RYR3: variants seen among roughly 807,000 people sequenced by gnomAD.
The protein encoded by RYR3 is ryanodine receptor 3.
RYR3 carries 207 observed loss-of-function variants against 584.3 expected under a neutral mutation model. The ratio of observed to expected loss-of-function variants is 0.35; its 90% CI spans 0.32 to 0.40. The LOEUF is 0.40. Ranked by LOEUF, RYR3 falls within the 10% of genes least tolerant of loss-of-function variation. The pLI is 1.00. For missense variants in RYR3, 5,616 were observed against 6,089.2 expected (o/e 0.92, Z 2.59); for synonymous variants, 2,416 against 2,248.5 (o/e 1.07, Z -2.11).
chr15:33,377,589 A>C (rs1449630125), intron 1 of RYR3, among the ~76,000 whole-genome samples: 6 of 152,192 alleles, frequency 3.9e-5, no homozygotes, highest in Non-Finnish European at 7.3e-5. Context: ...TTATAGCAGA[A>C]GTGTTAAACG....
chr15:33,441,898 G>A (rs78359500), intron 1 of RYR3, among the ~76,000 whole-genome samples: 6,283 of 152,212 alleles, frequency 0.041, 389 homozygotes, highest in African/African-American at 0.14. Flanking sequence ...GAAGACACAG[G>A]ATAAGAAGAG....
intron 11 of RYR3, 137 bp downstream of exon 11, chr15:33,563,147 T>C (rs576619071): frequency 2.9e-6 from 2 of 700,862 alleles, no homozygotes. Context: ...TTGTGATGGA[T>C]TGTACACAGT....
chr15:33,369,610 C>A (rs746725568), intron 1 of RYR3, among the ~76,000 whole-genome samples: 19 of 152,128 alleles, frequency 1.2e-4, no homozygotes, highest in Admixed American at 3.3e-4. Flanking sequence ...GTCTGTCTAT[C>A]CATCCATCCA....
intron 19 of RYR3, among the ~76,000 whole-genome samples, chr15:33,622,409 G>A (rs923328145): frequency 1.3e-5 from 2 of 152,180 alleles, no homozygotes; most frequent in Non-Finnish European, 2.9e-5. Flanking sequence ...CTCAGAGTTA[G>A]CTCGCATGTC....
chr15:33,783,270 G>T (rs776644060), intron 65 of RYR3, among the ~76,000 whole-genome samples: 9 of 152,294 alleles, frequency 5.9e-5, no homozygotes, highest in Non-Finnish European at 1.3e-4. Flanking sequence ...GGTGCTGCTG[G>T]TAGGAGGATT....
At chr15:33,807,464 T>C (rs2076269528) in intron 69 of RYR3, 91 bp from the exon 70 acceptor site, 7 of 1,257,678 alleles carry the variant, frequency 5.6e-6, no homozygotes, top group Non-Finnish European at 8.0e-6. Context: ...GCTAAGAAGC[T>C]ATAACTAACA....
At chr15:33,701,965 T>C (rs1426523743) in intron 42 of RYR3, among the ~76,000 whole-genome samples, 3 of 152,198 alleles carry the variant, frequency 2.0e-5, no homozygotes, top group Non-Finnish European at 2.9e-5. Flanking sequence ...ATTGAACTTA[T>C]GCTACCATTT....
chr15:33,657,299 G>A (rs1169793888), intron 32 of RYR3, among the ~76,000 whole-genome samples: 1 of 152,194 alleles, frequency 6.6e-6, no homozygotes, highest in African/African-American at 2.4e-5. Flanking sequence ...CAGTCCTGAG[G>A]GACCTGAAAA....
At chr15:33,512,944 T>G (rs1437244412) in intron 3 of RYR3, among the ~76,000 whole-genome samples, 1 of 152,168 alleles carries the variant, frequency 6.6e-6, no homozygotes, top group Non-Finnish European at 1.5e-5. Context: ...GCTGAGAGTT[T>G]TGAGAAAAAT....
At chr15:33,411,957 G>A (rs1359433805) in intron 1 of RYR3, among the ~76,000 whole-genome samples, 1 of 152,056 alleles carries the variant, frequency 6.6e-6, no homozygotes, top group African/African-American at 2.4e-5. Context: ...GACCTTTTAG[G>A]ACCAAGTTAA....
At chr15:33,467,450 T>C (rs960474701) in intron 1 of RYR3, 88 of 982,892 alleles carry the variant, frequency 9.0e-5, no homozygotes, top group Non-Finnish European at 1.0e-4. Context: ...CCAGCAGAGA[T>C]GGCTCTCTAT....
chr15:33,771,786 C>G (rs1197835986), intron 62 of RYR3, 134 bp from the exon 63 acceptor site: 2 of 658,088 alleles, frequency 3.0e-6, no homozygotes, highest in Non-Finnish European at 5.5e-6. Context: ...ACTGCTCTCT[C>G]CCTTTCTCCT....
At chr15:33,353,202 C>T (rs1186836602) in intron 1 of RYR3, among the ~76,000 whole-genome samples, 3 of 152,058 alleles carry the variant, frequency 2.0e-5, no homozygotes, top group Non-Finnish European at 2.9e-5. Context: ...CAGCCAAGTC[C>T]GATTTTTGCC....
chr15:33,505,651 C>T (rs1210601501), intron 3 of RYR3, among the ~76,000 whole-genome samples: 2 of 152,132 alleles, frequency 1.3e-5, no homozygotes, highest in Non-Finnish European at 2.9e-5. Context: ...GCCACCATGC[C>T]CGGCTAATTT....
chr15:33,639,922 T>A (rs2061702562), intron 27 of RYR3, among the ~76,000 whole-genome samples: 1 of 152,206 alleles, frequency 6.6e-6, no homozygotes, highest in African/African-American at 2.4e-5. Flanking sequence ...CTATTAGCCT[T>A]CTCTTTTCCT....
At chr15:33,794,579 A>G (rs759685574) in intron 67 of RYR3, among the ~76,000 whole-genome samples, 2 of 151,982 alleles carry the variant, frequency 1.3e-5, no homozygotes, top group Non-Finnish European at 2.9e-5. Flanking sequence ...ACTATTGACG[A>G]TCAAGACTCA....
rs552089037 is a variant in RYR3, at chr15:33,687,958, C to G, written c.5861-8260C>G. ...AATGTTAGACCTAAAACCATAAAAACCGTAGAAGAAAACCTAGGCAATACC... is the reference window on the plus strand; with the variant it reads ...AATGTTAGACCTAAAACCATAAAAAGCGTAGAAGAAAACCTAGGCAATACC... On this transcript the variant is annotated intron_variant, in intron 38 of 103. Transcript: ENST00000634891. Among the ~76,000 whole-genome samples the G allele has an allele frequency of 7.9e-5, 12 of 152,270 alleles. No individual in the cohort carries two copies. The South Asian group carries it at 2.5e-3, about 32-fold the overall frequency.
chr15:33,848,489 C>T (rs2078868921), intron 94 of RYR3, 68 bp downstream of exon 94: 1 of 1,520,878 alleles, frequency 6.6e-7, no homozygotes, highest in South Asian at 1.3e-5. Context: ...TAACTCTTTC[C>T]TCCTGGCCTT....
At chr15:33,518,321 G>T (rs760204054) in intron 3 of RYR3, among the ~76,000 whole-genome samples, 2 of 152,178 alleles carry the variant, frequency 1.3e-5, no homozygotes, top group Non-Finnish European at 2.9e-5. Flanking sequence ...CACCAAACTT[G>T]CTGCAAATGG....
Sources: gnomAD v4.1 joint callset for allele counts (sites outside exome capture counted in the v4.1 genomes callset) on GRCh38, gnomAD v4.1.1 for gene constraint, MANE v1.5 for transcripts, NCBI Gene and HGNC (gene_info 2026-07-23, HGNC 2026-07-21) for gene names.